Variants in SPATA13 observed in about 807,000 individuals in gnomAD.
The protein encoded by SPATA13 is spermatogenesis associated 13.
SPATA13 carries 50 observed loss-of-function variants against 104.0 expected under a neutral mutation model. The observed-to-expected ratio is 0.48, with a 90% CI of 0.38 to 0.61. The LOEUF is 0.61. SPATA13 is among the 20% of genes least tolerant of loss of function. The probability of loss-of-function intolerance (pLI) is 0.00; values close to 1 mark genes in which losing one functional copy is unlikely to be tolerated. For synonymous variants in SPATA13, 606 were observed against 667.5 expected, an observed-to-expected ratio of 0.91 and a Z score of 1.42; for missense variants, 1,524 against 1,690.6, an observed-to-expected ratio of 0.90 and a Z score of 1.73.
chr13:24,231,271 G>T (rs1009186778), intron 2 of SPATA13, among the ~76,000 whole-genome samples: 3 of 152,196 alleles, frequency 2.0e-5, no homozygotes, highest in Non-Finnish European at 4.4e-5. Flanking sequence ...GTCACTTTCT[G>T]TTCCTAGCCC....
intron 3 of SPATA13, among the ~76,000 whole-genome samples, chr13:24,136,661 C>T (rs1881581015): frequency 2.0e-5 from 3 of 152,154 alleles, no homozygotes; most frequent in Admixed American, 2.0e-4. Flanking sequence ...TGTTCACCAA[C>T]GTTGTGGATT....
intron 3 of SPATA13, among the ~76,000 whole-genome samples, chr13:24,098,618 G>A (rs376440738): frequency 3.1e-5 from 3 of 95,396 alleles, no homozygotes; most frequent in East Asian, 3.9e-4. Context: ...AGAAGAAGAA[G>A]AAAAGAAAGA....
At position 24,161,012 on chromosome 13, in the gene SPATA13, TC is replaced by T; in HGVS notation, c.-112+83del. ...AGGTAGAATATCGGGAGGATTTGAG[TC>T]CCAGTGGACTGCCTCGGGGCTTCGG... On this transcript the variant is annotated intron_variant, in intron 1 of 12. Coordinates refer to ENST00000382108, the MANE Select transcript of SPATA13 (RefSeq NM_001166271.3). The surrounding 1 kb of genome is among the most constrained non-coding windows in gnomAD (Gnocchi z 4.5). 1 of 859,764 alleles carries T rather than the reference TC, an allele frequency of 1.2e-6. No individual in the cohort carries two copies. Among genetic ancestry groups the T allele is most frequent in the Non-Finnish European group, 1.4e-6 (1 of 714,974 alleles). The allele number at this position is 859,764 out of a possible 1,614,324, so 53.3% of individuals were successfully genotyped here.
At chr13:24,139,993 G>T (rs1229147076) in intron 3 of SPATA13, among the ~76,000 whole-genome samples, 1 of 151,894 alleles carries the variant, frequency 6.6e-6, no homozygotes, top group Non-Finnish European at 1.5e-5. Flanking sequence ...GTGTGAACCC[G>T]GGAGGCGGAG....
chr13:24,299,815 G>A (rs1877058623), intron 11 of SPATA13, among the ~76,000 whole-genome samples: 1 of 152,204 alleles, frequency 6.6e-6, no homozygotes, highest in African/African-American at 2.4e-5. Flanking sequence ...GCCAAGGGTT[G>A]CCTCATCTTG....
chr13:24,002,000 C>A (rs541284661), intron 2 of SPATA13, among the ~76,000 whole-genome samples: 2 of 151,804 alleles, frequency 1.3e-5, no homozygotes, highest in Non-Finnish European at 2.9e-5. Flanking sequence ...ACCCAGGGGG[C>A]GGGTGGGAGC....
At position 24,302,707 on chromosome 13, in the gene SPATA13, G is replaced by A. The variant is rs140638468; in HGVS notation, c.3768G>A (p.Ala1256=). 3.0e-3 allele frequency: 4,828 copies of A among 1,613,988 alleles called. 199 individuals are homozygous for A. In the Admixed American group the frequency reaches 0.075, roughly 25 times the overall value. ...SVPQQQVFGL[A]EPKRKSSLFW... ...CCCAGCAGCAGGTCTTTGGCCTGGC[G>A]GAACCCAAGAGGAAGTCCTCGCTCT... The change falls in exon 13 of 13, where the codon GCG becomes GCA. Residue 1256 remains alanine (A), a synonymous_variant. Transcript: ENST00000382108.
chr13:24,091,698 G>A (rs529574168), intron 3 of SPATA13, among the ~76,000 whole-genome samples: 1 of 152,238 alleles, frequency 6.6e-6, no homozygotes, highest in African/African-American at 2.4e-5. Flanking sequence ...GTAATCCCAG[G>A]TACTAAGGAG....
intron 7 of SPATA13, 22 bp from the exon 8 acceptor site, chr13:24,288,977 G>C: frequency 6.4e-7 from 1 of 1,570,632 alleles, no homozygotes. Context: ...CAAATAAAAA[G>C]TATTACTTCT....
intron 3 of SPATA13, among the ~76,000 whole-genome samples, chr13:24,115,617 C>T (rs1487105059): frequency 1.3e-5 from 2 of 152,228 alleles, no homozygotes; most frequent in Non-Finnish European, 1.5e-5. Flanking sequence ...AAAACCAGTC[C>T]GTGGTGCCAA....
Position 24,161,070 on chromosome 13 carries a change from T to C in SPATA13, c.-112+138T>C. 2 of 464,804 alleles carry C rather than the reference T, an allele frequency of 4.3e-6. No homozygotes were observed. The highest frequency in any genetic ancestry group is 5.7e-6 in the Non-Finnish European group (2 of 353,618). 28.8% of individuals were successfully genotyped at this position (464,804 alleles called of 1,614,324 possible). A position where few individuals can be genotyped will look rare whatever the true frequency, so the allele number is the denominator to read the frequency against. On this transcript the variant is annotated intron_variant, in intron 1 of 12. Transcript: ENST00000382108. This position sits in a 1 kb window ranked among gnomAD's most constrained non-coding sequence, Gnocchi z 4.5. The stretch of plus-strand genomic sequence containing the variant: ...CAGCTCCCAGCTGCTTGGCCTCTGC[T>C]TCCCCCGCCGGTGGAGGCTACCGGG...
chr13:23,995,616 A>T (rs1043015792), intron 2 of SPATA13, among the ~76,000 whole-genome samples: 3 of 152,200 alleles, frequency 2.0e-5, no homozygotes, highest in African/African-American at 7.2e-5. Flanking sequence ...TGTATCTGAT[A>T]TGCATTTTCA....
Position 24,080,053 on chromosome 13 carries a change from A to T in SPATA13, c.-112+62352A>T, listed in dbSNP as rs573946359. Reference sequence around the variant, plus strand: ...AAATTAGAAGGAATTTTATATTAAAATATTCAACATCACCCAGCTGGAGAA... The same window carrying T: ...AAATTAGAAGGAATTTTATATTAAATTATTCAACATCACCCAGCTGGAGAA... On this transcript the variant is annotated intron_variant, in intron 3 of 14. Transcript: ENST00000424834. Among the ~76,000 whole-genome samples, 9 of 152,374 alleles carry T rather than the reference A, an allele frequency of 5.9e-5. 1 individual carries two copies. The East Asian group carries it at 1.7e-3, about 29-fold the overall frequency.
At chr13:24,151,734 C>T (rs1030526487) in intron 3 of SPATA13, among the ~76,000 whole-genome samples, 2 of 152,114 alleles carry the variant, frequency 1.3e-5, no homozygotes, top group Admixed American at 6.5e-5. Flanking sequence ...GTAATATTAG[C>T]AGTTCCTACC....
At position 24,242,346 on chromosome 13, in the gene SPATA13, G is replaced by C. The variant is rs377129163; in HGVS notation, c.1654-7131G>C. Among the ~76,000 whole-genome samples, 70 of 152,342 alleles carry C rather than the reference G, an allele frequency of 4.6e-4. 1 individual carries two copies. The South Asian group carries it at 0.014, about 31-fold the overall frequency. ...GAGAAATAGCCCAGAGAAATACATA[G>C]AGCAGAAGCCAGCAGTGCAGACTGC... On this transcript the variant is annotated intron_variant, in intron 2 of 12. Transcript: ENST00000382108.
Position 24,249,684 on chromosome 13 carries a change from G to A in SPATA13, c.1861G>A (p.Asp621Asn). The A allele has an allele frequency of 1.2e-6, 2 of 1,614,226 alleles. No individual in the cohort carries two copies. Among genetic ancestry groups the A allele is most frequent in the African/African-American group, 1.3e-5 (1 of 75,070 alleles). ...CCAGAAGGAAGACCGTGTGGACGAGGACCCCCAGGCAAGCATGACTTCTGC... is the reference window on the plus strand; with the variant it reads ...CCAGAAGGAAGACCGTGTGGACGAGAACCCCCAGGCAAGCATGACTTCTGC... Reference protein sequence around the residue: ...DPQKEDRVDEDPQASMTSASP... With the variant: ...DPQKEDRVDENPQASMTSASP... The change falls in exon 3 of 13, where the codon GAC (aspartate) becomes AAC (asparagine). Residue 621 changes from aspartate (D) to asparagine (N), a missense_variant. Transcript: ENST00000382108.
chr13:24,079,399 T>C (rs957014559), intron 3 of SPATA13, among the ~76,000 whole-genome samples: 3 of 152,220 alleles, frequency 2.0e-5, no homozygotes, highest in Admixed American at 1.3e-4. Context: ...GGTTTCTTGC[T>C]GCAGAATGGA....
chr13:24,211,179 A>G (rs886591257), intron 1 of SPATA13, among the ~76,000 whole-genome samples: 3 of 152,180 alleles, frequency 2.0e-5, no homozygotes, highest in Non-Finnish European at 4.4e-5. Flanking sequence ...GGTTTTCTGT[A>G]TATTAGATAA....
At position 24,249,686 on chromosome 13, in the gene SPATA13, C is replaced by T. The variant is rs202050011; in HGVS notation, c.1863C>T (p.Asp621=). 1.9e-6 allele frequency: 3 copies of T among 1,614,180 alleles called. No homozygotes were observed. The highest frequency in any genetic ancestry group is 1.1e-5 in the South Asian group (1 of 91,080). ...DPQKEDRVDE[D]PQASMTSASP... ...AGAAGGAAGACCGTGTGGACGAGGA[C>T]CCCCAGGCAAGCATGACTTCTGCCA... Residue 621 remains aspartate, a synonymous_variant, in exon 3 of 13, where the codon GAC becomes GAT. Coordinates refer to ENST00000382108, the MANE Select transcript of SPATA13 (RefSeq NM_001166271.3).
Sources: gnomAD v4.1 joint callset for allele counts (sites outside exome capture counted in the v4.1 genomes callset) on GRCh38, gnomAD v4.1.1 for gene constraint, Gnocchi (gnomAD v3.1) non-coding constraint, MANE v1.5 for transcripts, NCBI Gene and HGNC (gene_info 2026-07-23, HGNC 2026-07-21) for gene names.